GALNT9: variants seen among roughly 807,000 people sequenced by gnomAD.
GALNT9 encodes polypeptide N-acetylgalactosaminyltransferase 9.
GALNT9 carries 47 observed loss-of-function variants against 63.1 expected under a neutral mutation model. That is an observed-to-expected ratio of 0.75 (90% CI 0.59 to 0.95). The LOEUF is 0.95. GALNT9 is among the 40% of genes least tolerant of loss of function. GALNT9 has a pLI of 0.00. For synonymous variants in GALNT9, 396 were observed against 365.7 expected, an observed-to-expected ratio of 1.08 and a Z score of -0.94; for missense variants, 829 against 874.8, an observed-to-expected ratio of 0.95 and a Z score of 0.66.
At chr12:132,200,806 G>A (rs1876006150) in intron 8 of GALNT9, 2 of 372,908 alleles carry the variant, frequency 5.4e-6, no homozygotes, top group Non-Finnish European at 9.9e-6. Flanking sequence ...ACGCATGGAT[G>A]TGACTACACA....
intron 6 of GALNT9, among the ~76,000 whole-genome samples, chr12:132,228,948 A>G (rs1458012080): frequency 6.6e-6 from 1 of 152,076 alleles, no homozygotes; most frequent in African/African-American, 2.4e-5. Context: ...CGGGAGAATT[A>G]CTCCTCTAAT....
At chr12:132,300,412 C>G (rs1384287503) in intron 1 of GALNT9, among the ~76,000 whole-genome samples, 29 of 140,014 alleles carry the variant, frequency 2.1e-4, no homozygotes, top group Non-Finnish European at 4.4e-4. Context: ...AACTCACCCA[C>G]TCCCACCACA....
Position 132,265,673 on chromosome 12 carries a change from G to A in GALNT9, c.420-3048C>T, listed in dbSNP as rs1879568890. On this transcript the variant is annotated intron_variant, in intron 2 of 10. Transcript: ENST00000328957. The surrounding 1 kb of genome is among the most constrained non-coding windows in gnomAD (Gnocchi z 5.3). ...TTCCTGATGCCCGGTACAGGCCCGG[G>A]AAAGACAATGAAGATACCTTATTCC... Among the ~76,000 whole-genome samples, 1 of 152,162 alleles carries A rather than the reference G, an allele frequency of 6.6e-6. No individual in the cohort carries two copies. The highest frequency in any genetic ancestry group is 2.4e-5 in the African/African-American group (1 of 41,434).
chr12:132,281,082 G>A (rs893706012), intron 2 of GALNT9, among the ~76,000 whole-genome samples: 6 of 152,216 alleles, frequency 3.9e-5, no homozygotes, highest in Non-Finnish European at 7.3e-5. Flanking sequence ...CCAGGGAAAG[G>A]CCAGGCACTG....
chr12:132,199,190 T>G lies in GALNT9; in HGVS notation c.1481A>C (p.His494Pro), dbSNP rs1875791837. ...DGDRAILYPC[H>P]GMSSQLVRYS... The stretch of plus-strand genomic sequence containing the variant: ...TACTCCTACCTGGGAGGACATCCCG[T>G]GGCAGGGGTAGAGGATCGCCCGGTC... Residue 494 changes from histidine to proline, a missense_variant, in exon 9 of 11, where the codon CAC becomes CCC. Coordinates refer to ENST00000328957, the MANE Select transcript of GALNT9 (RefSeq NM_001122636.2). 6.2e-7 allele frequency: 1 copy of G among 1,601,308 alleles called. No homozygotes were observed. Among genetic ancestry groups the G allele is most frequent in the Non-Finnish European group, 8.5e-7 (1 of 1,177,278 alleles).
In GALNT9 at chr12:132,243,810, C is replaced by T. The variant is rs2136905978; in HGVS notation, c.1077+4100G>A. Among the ~76,000 whole-genome samples the T allele has an allele frequency of 9.2e-5, 14 of 152,288 alleles. No homozygotes were observed. The East Asian group carries it at 2.1e-3, about 23-fold the overall frequency. On this transcript the variant is annotated intron_variant, in intron 6 of 10. Coordinates refer to ENST00000328957, the MANE Select transcript of GALNT9 (RefSeq NM_001122636.2). ...GCCTGCCTGGGGACTGGGAATCAGC[C>T]GCTGTCCCAGCCCACCCGTCAATCA...
intron 6 of GALNT9, 110 bp from the exon 7 acceptor site, chr12:132,203,800 A>AC: frequency 1.7e-6 from 2 of 1,171,144 alleles, no homozygotes; most frequent in South Asian, 1.4e-5. Context: ...TTCCTGGGGC[A>AC]CCCCCACCAC....
Position 132,200,815 on chromosome 12 carries a change from CACCT to C in GALNT9, c.1401+305_1401+308del, listed in dbSNP as rs983077917. On this transcript the variant is annotated intron_variant, in intron 8 of 10. Transcript: ENST00000328957. ...GTGAACACGCATGGATGTGACTACACACCTGCCTGCCTCTAGGGAGGTCCATGTG... is the reference window on the plus strand; with the variant it reads ...GTGAACACGCATGGATGTGACTACACGCCTGCCTCTAGGGAGGTCCATGTG... 6.9e-5 allele frequency: 27 copies of C among 392,128 alleles called. No individual in the cohort carries two copies. In the Admixed American group the frequency reaches 1.1e-3, roughly 16 times the overall value. 24.3% of individuals were successfully genotyped at this position (392,128 alleles called of 1,614,324 possible). A position where few individuals can be genotyped will look rare whatever the true frequency, so the allele number is the denominator to read the frequency against.
intron 4 of GALNT9, 45 bp from the exon 5 acceptor site, chr12:132,257,931 A>C (rs1327343894): frequency 3.7e-6 from 5 of 1,351,370 alleles, no homozygotes; most frequent in Admixed American, 2.0e-5. Context: ...AGCCCACCGC[A>C]TTCCCTGAGG....
intron 3 of GALNT9, 26 bp downstream of exon 3, chr12:132,262,433 A>G: frequency 6.5e-7 from 1 of 1,539,536 alleles, no homozygotes; most frequent in East Asian, 2.5e-5. Context: ...CCCGGCGAGC[A>G]CCGTGCCGAG....
chr12:132,283,029 C>T (rs573234811), intron 2 of GALNT9: 4 of 152,400 alleles, frequency 2.6e-5, no homozygotes, highest in Admixed American at 1.3e-4. Context: ...AAACGAACCT[C>T]GGGGGGACGC....
At chr12:132,295,802 C>T (rs1199604910) in intron 1 of GALNT9, among the ~76,000 whole-genome samples, 6 of 120,584 alleles carry the variant, frequency 5.0e-5, no homozygotes, top group African/African-American at 2.1e-4. Context: ...TGAACAGGGA[C>T]GGCCTCCGGA....
At chr12:132,211,707 C>T (rs1876962135) in intron 6 of GALNT9, among the ~76,000 whole-genome samples, 1 of 152,206 alleles carries the variant, frequency 6.6e-6, no homozygotes, top group Non-Finnish European at 1.5e-5. Flanking sequence ...TCCCCCTCTC[C>T]GTCGAGGGGA....
intron 1 of GALNT9, among the ~76,000 whole-genome samples, chr12:132,317,023 C>T (rs917055869): frequency 1.3e-4 from 20 of 149,712 alleles, no homozygotes; most frequent in Non-Finnish European, 2.5e-4. Flanking sequence ...CTACACCCCA[C>T]GGAGCATGGT....
chr12:132,197,752 C>CCCCCCCCAAACCCA, intron 10 of GALNT9, 40 bp downstream of exon 10: 1 of 1,311,038 alleles, frequency 7.6e-7, no homozygotes, highest in Non-Finnish European at 1.0e-6. Flanking sequence ...GCAGCCCTGC[C>CCCCCCCCAAACCCA]CCGCCCCAAC....
At chr12:132,205,061 G>A (rs1392508710) in intron 6 of GALNT9, among the ~76,000 whole-genome samples, 2 of 152,146 alleles carry the variant, frequency 1.3e-5, no homozygotes, top group African/African-American at 2.4e-5. Context: ...TGGAGCCTCT[G>A]CCCAGCTGAG....
intron 1 of GALNT9, among the ~76,000 whole-genome samples, chr12:132,288,681 C>A (rs1880695633): frequency 6.6e-6 from 1 of 151,530 alleles, no homozygotes; most frequent in African/African-American, 2.4e-5. Context: ...CGATGCCCGG[C>A]ATTGGACCCG....
rs1162793406 is a variant in GALNT9 at position 132,329,300 on chromosome 12, C to CGGGGCTGCG, written c.-106_-98dup. ...TCGGCTTCGGGGACCATGAGCCGCC[C>CGGGGCTGCG]GGGGCTGCGGGGGCTGCGGGGCTCG... On this transcript the variant is annotated 5_prime_UTR_variant, in exon 1 of 11. Transcript: ENST00000328957. 51 of 1,439,598 alleles carry CGGGGCTGCG rather than the reference C, an allele frequency of 3.5e-5. No homozygotes were observed. Among genetic ancestry groups the CGGGGCTGCG allele is most frequent in the South Asian group, 1.0e-4 (7 of 69,708 alleles). 89.2% of individuals were successfully genotyped at this position (1,439,598 alleles called of 1,614,324 possible). A position where few individuals can be genotyped will look rare whatever the true frequency, so the allele number is the denominator to read the frequency against.
chr12:132,309,509 C>T (rs1881737676), intron 1 of GALNT9, among the ~76,000 whole-genome samples: 2 of 152,298 alleles, frequency 1.3e-5, no homozygotes, highest in African/African-American at 4.8e-5. Context: ...ATCCTGGACT[C>T]GGGGCAGCGG....
Sources: gnomAD v4.1 joint callset for allele counts (sites outside exome capture counted in the v4.1 genomes callset) on GRCh38, gnomAD v4.1.1 for gene constraint, Gnocchi (gnomAD v3.1) non-coding constraint, MANE v1.5 for transcripts, NCBI Gene and HGNC (gene_info 2026-07-23, HGNC 2026-07-21) for gene names.